CFAP263: variants seen among roughly 807,000 people sequenced by gnomAD.
CFAP263 encodes the protein cilia- and flagella-associated protein 263.
At chr16:58,267,100 A>G in the CFAP263 span, among the ~76,000 whole-genome samples, 1 of 152,178 alleles carries the variant, frequency 6.6e-6, no homozygotes, top group South Asian at 2.1e-4. Flanking sequence ...TATGTTCTCC[A>G]TGTGCCAGGC....
At chr16:58,276,314 G>A in the CFAP263 span, among the ~76,000 whole-genome samples, 16,504 of 152,214 alleles carry the variant, frequency 0.11, 1,011 homozygotes, top group Admixed American at 0.13. Flanking sequence ...AGGGAAAACC[G>A]GCAGTCTCAA....
At chr16:58,277,126 A>T in the CFAP263 span, among the ~76,000 whole-genome samples, 1 of 150,800 alleles carries the variant, frequency 6.6e-6, no homozygotes, top group South Asian at 2.1e-4. Context: ...TAATGTTAAA[A>T]TTTTTTTTTA....
the CFAP263 span, chr16:58,280,373 G>A: frequency 5.0e-6 from 8 of 1,614,030 alleles, no homozygotes; most frequent in African/African-American, 1.1e-4. Flanking sequence ...GACGCCTCAG[G>A]AGACCTGCCT....
chr16:58,255,215 C>G, the CFAP263 span, among the ~76,000 whole-genome samples: 1 of 152,204 alleles, frequency 6.6e-6, no homozygotes, highest in East Asian at 1.9e-4. Flanking sequence ...GTCCGAGGGT[C>G]TAAAGGCAAA....
At chr16:58,262,861 C>T in the CFAP263 span, among the ~76,000 whole-genome samples, 1 of 149,790 alleles carries the variant, frequency 6.7e-6, no homozygotes, top group Non-Finnish European at 1.5e-5. Context: ...GGCCATGCCT[C>T]TTATTTATTT....
At chr16:58,259,511 TGTTAACA>T in the CFAP263 span, among the ~76,000 whole-genome samples, 1 of 152,228 alleles carries the variant, frequency 6.6e-6, no homozygotes. Flanking sequence ...AATCCTAATA[TGTTAACA>T]GTAATAAAAA....
At chr16:58,267,014 T>C in the CFAP263 span, among the ~76,000 whole-genome samples, 1 of 152,148 alleles carries the variant, frequency 6.6e-6, no homozygotes, top group Non-Finnish European at 1.5e-5. Flanking sequence ...TAAATGGAGA[T>C]AGCAGTAGCA....
chr16:58,264,469 C>G, the CFAP263 span, among the ~76,000 whole-genome samples: 5 of 152,298 alleles, frequency 3.3e-5, no homozygotes, highest in East Asian at 1.9e-4. Flanking sequence ...AGAGTGAGAG[C>G]CATTCCTGGG....
chr16:58,261,416 G>C, the CFAP263 span, among the ~76,000 whole-genome samples: 1 of 152,338 alleles, frequency 6.6e-6, no homozygotes, highest in East Asian at 1.9e-4. Flanking sequence ...TGGAGATGGG[G>C]AGTAGATGGA....
the CFAP263 span, chr16:58,280,330 C>G: frequency 5.0e-6 from 8 of 1,614,186 alleles, no homozygotes; most frequent in Non-Finnish European, 6.8e-6. Flanking sequence ...CCCCACCTCC[C>G]CACCGTAATA....
chr16:58,279,931 T>G, the CFAP263 span: 11 of 658,486 alleles, frequency 1.7e-5, no homozygotes, highest in Non-Finnish European at 2.3e-5. Context: ...CATCTGCCCA[T>G]GGGGAGTGTT....
the CFAP263 span, chr16:58,280,194 A>T: frequency 1.3e-6 from 2 of 1,574,358 alleles, no homozygotes; most frequent in East Asian, 4.5e-5. Context: ...TTCTCAGTTT[A>T]CTCTTCAGTT....
chr16:58,281,092 G>C, the CFAP263 span: 4 of 277,460 alleles, frequency 1.4e-5, no homozygotes, highest in Non-Finnish European at 2.7e-5. Context: ...GTTTGTTTCT[G>C]TTTTGTCCTG....
chr16:58,258,839 C>T, the CFAP263 span, among the ~76,000 whole-genome samples: 2 of 151,714 alleles, frequency 1.3e-5, no homozygotes, highest in East Asian at 1.9e-4. Flanking sequence ...ATTAGCTGGG[C>T]GAGGTGTTTG....
At chr16:58,250,307 G>C in the CFAP263 span, 4 of 524,364 alleles carry the variant, frequency 7.6e-6, no homozygotes, top group Admixed American at 1.5e-4. Flanking sequence ...GGGGTGGTAG[G>C]GCGAGGGGAT....
the CFAP263 span, among the ~76,000 whole-genome samples, chr16:58,253,532 C>G: frequency 6.6e-6 from 1 of 152,182 alleles, no homozygotes; most frequent in Non-Finnish European, 1.5e-5. Flanking sequence ...GAGGGCCAAG[C>G]AAACCCATAT....
chr16:58,275,588 G>A, the CFAP263 span, among the ~76,000 whole-genome samples: 2 of 152,082 alleles, frequency 1.3e-5, no homozygotes, highest in African/African-American at 4.8e-5. Context: ...TTTAACACAC[G>A]CTCAGGAATA....
chr16:58,252,646 A>G, the CFAP263 span: 1 of 1,248,724 alleles, frequency 8.0e-7, no homozygotes, highest in Admixed American at 1.8e-5. Context: ...CGGGTTTTGC[A>G]GGTCTACTAG....
chr16:58,270,127 T>C, the CFAP263 span, among the ~76,000 whole-genome samples: 4 of 152,360 alleles, frequency 2.6e-5, no homozygotes, highest in Admixed American at 2.6e-4. Flanking sequence ...TGTCTATCTT[T>C]CTTTGAGAAA....
Sources: allele counts gnomAD v4.1 joint callset (sites outside exome capture counted in the v4.1 genomes callset), GRCh38; gene constraint gnomAD v4.1.1; transcripts MANE v1.5; gene names NCBI Gene and HGNC (gene_info 2026-07-23, HGNC 2026-07-21).